Variants in ASCC3 observed in about 807,000 individuals in gnomAD.
ASCC3 encodes the protein activating signal cointegrator 1 complex subunit 3, also known as ASC-1 complex subunit P200.
ASCC3 carries 158 observed loss-of-function variants against 256.3 expected under a neutral mutation model. That is an observed-to-expected ratio of 0.62 (90% CI 0.54 to 0.70). The LOEUF is 0.70. Among genes scored for constraint, ASCC3 ranks in the 30% least tolerant of loss-of-function variants. The pLI, the probability that ASCC3 is intolerant of heterozygous loss-of-function variation, is 0.00. For synonymous variants in ASCC3, 948 were observed against 883.4 expected (o/e 1.07, Z -1.30); for missense variants, 2,259 against 2,626.0 (o/e 0.86, Z 3.05).
At chr6:100,847,600 T>C (rs1385550728) in intron 4 of ASCC3, among the ~76,000 whole-genome samples, 1 of 152,168 alleles carries the variant, frequency 6.6e-6, no homozygotes, top group Non-Finnish European at 1.5e-5. Flanking sequence ...AGCTACCACA[T>C]AATGATTATT....
chr6:100,547,852 C>A (rs185306788), intron 36 of ASCC3, among the ~76,000 whole-genome samples: 59 of 151,540 alleles, frequency 3.9e-4, no homozygotes, highest in African/African-American at 1.1e-3. Context: ...CAGTAGTTGG[C>A]AGCAGCATTA....
At chr6:100,680,054 T>C (rs557423337) in intron 13 of ASCC3, among the ~76,000 whole-genome samples, 92 of 152,326 alleles carry the variant, frequency 6.0e-4, no homozygotes, top group African/African-American at 2.1e-3. Flanking sequence ...AGAGACAGCA[T>C]ACAAAAATAT....
rs1178237244 is a variant in ASCC3, at chr6:100,881,242, G to C, written c.-223C>G. 1 of 152,404 alleles carries C rather than the reference G, an allele frequency of 6.6e-6. No individual in the cohort carries two copies. The highest frequency in any genetic ancestry group is 1.5e-5 in the Non-Finnish European group (1 of 68,186). 9.4% of individuals were successfully genotyped at this position (152,404 alleles called of 1,614,324 possible). A position where few individuals can be genotyped will look rare whatever the true frequency, so the allele number is the denominator to read the frequency against. Reference sequence around the variant, plus strand: ...CCTCCAAGCCGCGCTTGCCGGGGTCGCGCCCAGTCACAGGGAACCGCGTGT... The same window carrying C: ...CCTCCAAGCCGCGCTTGCCGGGGTCCCGCCCAGTCACAGGGAACCGCGTGT... On this transcript the variant is annotated 5_prime_UTR_variant, in exon 1 of 42. Coordinates refer to ENST00000369162, the MANE Select transcript of ASCC3 (RefSeq NM_006828.4).
chr6:100,672,705 C>T (rs1457100747), intron 14 of ASCC3, among the ~76,000 whole-genome samples: 1 of 151,990 alleles, frequency 6.6e-6, no homozygotes, highest in Non-Finnish European at 1.5e-5. Context: ...TAGCTCTGGA[C>T]TTCTACTCCT....
At chr6:100,521,353 C>G (rs560483119) in intron 37 of ASCC3, among the ~76,000 whole-genome samples, 16 of 152,144 alleles carry the variant, frequency 1.1e-4, no homozygotes, top group African/African-American at 3.4e-4. Context: ...AGAAATCATA[C>G]GCTGAGGTTG....
At position 100,550,858 on chromosome 6, in the gene ASCC3, C is replaced by T. The variant is rs571472621; in HGVS notation, c.5551-10471G>A. ...CCAGTAGTATCAGTATCAGATGAGT[C>T]TGCTAACAGTTGAGTATATTTTGGG... On this transcript the variant is annotated intron_variant, in intron 36 of 41. Transcript: ENST00000369162. Among the ~76,000 whole-genome samples the T allele has an allele frequency of 7.9e-5, 12 of 151,922 alleles. No individual in the cohort carries two copies. The South Asian group carries it at 2.5e-3, about 32-fold the overall frequency.
chr6:100,687,200 A>G (rs1018604443), intron 13 of ASCC3, among the ~76,000 whole-genome samples: 2 of 152,160 alleles, frequency 1.3e-5, no homozygotes, highest in Admixed American at 6.5e-5. Flanking sequence ...ATGTGAATGT[A>G]TATGTTTGAA....
intron 1 of ASCC3, among the ~76,000 whole-genome samples, chr6:100,879,991 A>C (rs1769211119): frequency 6.6e-6 from 1 of 152,224 alleles, no homozygotes; most frequent in Non-Finnish European, 1.5e-5. Flanking sequence ...TCATGAGCAC[A>C]GAGACTGTCT....
intron 37 of ASCC3, among the ~76,000 whole-genome samples, chr6:100,523,275 T>A (rs931205421): frequency 3.3e-5 from 5 of 152,014 alleles, no homozygotes. Flanking sequence ...TTTAATGGCT[T>A]CTATCTTCTG....
At chr6:100,601,667 T>G in intron 34 of ASCC3, 143 bp downstream of exon 34, 1 of 882,680 alleles carries the variant, frequency 1.1e-6, no homozygotes, top group Non-Finnish European at 1.7e-6. Flanking sequence ...AGAGATATCA[T>G]CTGATTCTTT....
intron 8 of ASCC3, 144 bp downstream of exon 8, chr6:100,798,566 CCTA>C (rs1769747638): frequency 8.7e-7 from 1 of 1,151,942 alleles, no homozygotes; most frequent in South Asian, 1.4e-5. Context: ...TTTAAACTCT[CCTA>C]CTGTAATTCT....
intron 23 of ASCC3, among the ~76,000 whole-genome samples, 155 bp from the exon 24 acceptor site, chr6:100,642,904 A>C (rs7751872): frequency 0.03 from 4,607 of 152,262 alleles, 77 homozygotes; most frequent in African/African-American, 0.055. Context: ...ACTTTAGAAA[A>C]TTGTGCATGG....
Position 100,650,673 on chromosome 6 carries a change from G to T in ASCC3, c.3117C>A (p.Ser1039Arg), listed in dbSNP as rs146257139. 6.2e-7 allele frequency: 1 copy of T among 1,611,986 alleles called. No homozygotes were observed. The highest frequency in any genetic ancestry group is 8.5e-7 in the Non-Finnish European group (1 of 1,178,628). Reference protein sequence around the residue: ...EEIEELDTLLSNFCELSTPGG... With the variant: ...EEIEELDTLLRNFCELSTPGG... ...CAGGAGTGGAGAGTTCACAAAAATTGCTTAATAAGGTATCTAACTCCTCTA... is the reference window on the plus strand; with the variant it reads ...CAGGAGTGGAGAGTTCACAAAAATTTCTTAATAAGGTATCTAACTCCTCTA... Residue 1039 changes from serine (S) to arginine (R), a missense_variant, in exon 20 of 42, where the codon AGC becomes AGA. Ser to Arg is a moderately radical substitution (Grantham distance 110). This residue lies in a region of ASCC3 where 1,839 missense variants were observed against 2,206.7 expected (regional missense o/e 0.83). Transcript: ENST00000369162.
At chr6:100,550,638 GT>G (rs761226590) in intron 36 of ASCC3, among the ~76,000 whole-genome samples, 1 of 151,876 alleles carries the variant, frequency 6.6e-6, no homozygotes, top group Non-Finnish European at 1.5e-5. Flanking sequence ...CACTTGTGGG[GT>G]TATTTGCAGG....
At position 100,628,091 on chromosome 6, in the gene ASCC3, C is replaced by A. The variant is rs1293639856; in HGVS notation, c.4376-104G>T. On this transcript the variant is annotated intron_variant, in intron 27 of 41. Transcript: ENST00000369162. ...TTGTAGCTTCCTCAAAAAACAAAAACAAAAAAAAAAACAAAAAAAAAGCTA... is the reference window on the plus strand; with the variant it reads ...TTGTAGCTTCCTCAAAAAACAAAAAAAAAAAAAAAAACAAAAAAAAAGCTA... 9.4e-3 allele frequency: 7,866 copies of A among 835,728 alleles called. 66 individuals are homozygous for A. The highest frequency in any genetic ancestry group is 0.047 in the African/African-American group (2,374 of 50,572). The allele number at this position is 835,728 out of a possible 1,614,324, so 51.8% of individuals were successfully genotyped here.
At chr6:100,787,102 A>T (rs1034603865) in intron 8 of ASCC3, among the ~76,000 whole-genome samples, 1 of 152,004 alleles carries the variant, frequency 6.6e-6, no homozygotes, top group Non-Finnish European at 1.5e-5. Flanking sequence ...TTTCCCCTCA[A>T]GCATAGTGGG....
At position 100,550,547 on chromosome 6, in the gene ASCC3, T is replaced by C. The variant is rs530305410; in HGVS notation, c.5551-10160A>G. 1.2e-3 allele frequency among the ~76,000 whole-genome samples: 184 copies of C among 152,066 alleles called. 5 individuals carry two copies. Among genetic ancestry groups the C allele is most frequent in the Admixed American group, 0.012 (182 of 15,258 alleles). ...CTAAAGAAACAATGATCTGCTCCAA[T>C]GGTAGAGGAAAACTTAGGAGTGCTG... On this transcript the variant is annotated intron_variant, in intron 36 of 41. Coordinates refer to ENST00000369162, the MANE Select transcript of ASCC3 (RefSeq NM_006828.4).
Position 100,553,362 on chromosome 6 carries a change from C to G in ASCC3, c.5551-12975G>C, listed in dbSNP as rs569903122. On this transcript the variant is annotated intron_variant, in intron 36 of 41. Transcript: ENST00000369162. ...AGCTAATTTCCTGTGTGATCACTGA[C>G]TATCGGTAAGGTTCATTTTCTTATC... Among the ~76,000 whole-genome samples, 335 of 152,122 alleles carry G rather than the reference C, an allele frequency of 2.2e-3. 2 individuals are homozygous for G. Among genetic ancestry groups the G allele is most frequent in the Non-Finnish European group, 3.9e-3 (263 of 67,972 alleles).
intron 20 of ASCC3, 50 bp from the exon 21 acceptor site, chr6:100,647,501 ATT>A (rs757119792): frequency 6.7e-7 from 1 of 1,490,662 alleles, no homozygotes; most frequent in East Asian, 2.3e-5. Flanking sequence ...GTGCTTTTAA[ATT>A]TGTCAATAAA....
Sources: allele counts gnomAD v4.1 joint callset (sites outside exome capture counted in the v4.1 genomes callset), GRCh38; gene constraint gnomAD v4.1.1; regional missense constraint gnomAD v4.1.1; transcripts MANE v1.5; gene names NCBI Gene and HGNC (gene_info 2026-07-23, HGNC 2026-07-21).